The following ZNF511 variants were observed in gnomAD, a reference collection of about 807,000 sequenced individuals.
ZNF511 encodes zinc finger protein 511.
In ZNF511, 26 loss-of-function variants were observed where a neutral mutation model predicts 24.8. That is an observed-to-expected ratio of 1.05 (90% CI 0.77 to 1.46). The LOEUF (loss-of-function observed/expected upper bound fraction) is 1.46. ZNF511 is among the 40% of genes most tolerant of loss of function. The pLI is 0.00. For synonymous variants in ZNF511, 144 were observed against 139.6 expected, an observed-to-expected ratio of 1.03 and a Z score of -0.22; for missense variants, 358 against 345.0, an observed-to-expected ratio of 1.04 and a Z score of -0.30.
chr10:133,309,336 C>A, intron 1 of ZNF511, 54 bp from the exon 2 acceptor site: 1 of 1,576,222 alleles, frequency 6.3e-7, no homozygotes, highest in East Asian at 2.3e-5. Flanking sequence ...AGGCCTGACG[C>A]GGTGGGCGTG....
intron 1 of ZNF511, 119 bp from the exon 2 acceptor site, chr10:133,309,271 T>C (rs1847926745): frequency 1.5e-6 from 2 of 1,374,526 alleles, no homozygotes; most frequent in Admixed American, 2.2e-5. Context: ...GGGCGGGGCC[T>C]GAGGCTGTGG....
intron 5 of ZNF511, chr10:133,312,457 G>A (rs528765363): frequency 2.8e-5 from 34 of 1,221,556 alleles, no homozygotes; most frequent in Middle Eastern, 3.3e-4. Context: ...ACTTTGGCCT[G>A]TGAATGAGCC....
At chr10:133,311,588 A>T in intron 4 of ZNF511, 128 bp from the exon 5 acceptor site, 1 of 789,698 alleles carries the variant, frequency 1.3e-6, no homozygotes, top group Non-Finnish European at 2.0e-6. Context: ...AAATCAGACT[A>T]TGCCAAAATA....
intron 2 of ZNF511, 36 bp from the exon 3 acceptor site, chr10:133,309,740 C>A: frequency 6.2e-7 from 1 of 1,609,278 alleles, no homozygotes; most frequent in Non-Finnish European, 8.5e-7. Context: ...TTCCTCGCAC[C>A]GGAGGAAGGG....
At chr10:133,310,100 T>C (rs1223251135) in intron 3 of ZNF511, 64 bp from the exon 4 acceptor site, 4 of 1,611,704 alleles carry the variant, frequency 2.5e-6, no homozygotes, top group Non-Finnish European at 2.5e-6. Flanking sequence ...GCAGCTCTGC[T>C]ACGGGGGCAT....
intron 4 of ZNF511, among the ~76,000 whole-genome samples, chr10:133,311,400 T>G (rs1192028312): frequency 6.6e-6 from 1 of 152,220 alleles, no homozygotes; most frequent in Non-Finnish European, 1.5e-5. Context: ...TCTGGTTAAC[T>G]TTAGCAAATT....
rs925552218 is a variant in ZNF511, at chr10:133,312,122, C to T, written c.680+281C>T. ...AGTGGGATGGAAAGAGTCTCACTTG[C>T]AGTTGCTTCAGTCACAACCCAGGCG... On this transcript the variant is annotated intron_variant, in intron 5 of 5. Coordinates refer to ENST00000361518, the MANE Select transcript of ZNF511 (RefSeq NM_145806.4). 6 of 1,440,158 alleles carry T rather than the reference C, an allele frequency of 4.2e-6. No homozygotes were observed. In the African/African-American group the frequency reaches 8.6e-5, roughly 21 times the overall value. The allele number at this position is 1,440,158 out of a possible 1,614,324, so 89.2% of individuals were successfully genotyped here.
At chr10:133,310,374 T>C in intron 4 of ZNF511, 86 bp downstream of exon 4, 1 of 1,549,632 alleles carries the variant, frequency 6.5e-7, no homozygotes. Context: ...ACGGTCAGAC[T>C]TATTAAGCAC....
chr10:133,309,610 T>G (rs1286025465), intron 2 of ZNF511, 147 bp downstream of exon 2: 1 of 1,264,960 alleles, frequency 7.9e-7, no homozygotes, highest in Non-Finnish European at 1.1e-6. Flanking sequence ...TGGCCGACTC[T>G]TCCACCACCT....
intron 4 of ZNF511, among the ~76,000 whole-genome samples, chr10:133,311,277 C>T (rs1328228355): frequency 6.6e-6 from 1 of 152,088 alleles, no homozygotes; most frequent in African/African-American, 2.4e-5. Flanking sequence ...GGAGGCTTTA[C>T]AAAGACTTAC....
At chr10:133,309,290 C>T (rs1243615213) in intron 1 of ZNF511, 100 bp from the exon 2 acceptor site, 5 of 1,449,570 alleles carry the variant, frequency 3.4e-6, no homozygotes, top group Non-Finnish European at 3.7e-6. Context: ...GGGGCGGGAC[C>T]GGAGCGCGGG....
intron 1 of ZNF511, 141 bp downstream of exon 1, chr10:133,309,237 T>TGG: frequency 1.5e-6 from 1 of 672,380 alleles, no homozygotes; most frequent in Non-Finnish European, 1.9e-6. Context: ...CCTGAGGTGG[T>TGG]GGGGCGGGGC....
At chr10:133,312,472 G>A (rs545123307) in intron 5 of ZNF511, 93 of 1,249,156 alleles carry the variant, frequency 7.4e-5, no homozygotes, top group Non-Finnish European at 9.0e-5. Context: ...TGAGCCCCGG[G>A]GGGCTGGGAC....
Position 133,311,813 on chromosome 10 carries a change from G to A in ZNF511, c.652G>A (p.Ala218Thr), listed in dbSNP as rs1481333612. The change falls in exon 5 of 6, where the codon GCA becomes ACA. Residue 218 changes from alanine to threonine, a missense_variant. Coordinates refer to ENST00000361518, the MANE Select transcript of ZNF511 (RefSeq NM_145806.4). Reference protein sequence around the residue: ...SEPVAASPAPAGERRIYRHRI... With the variant: ...SEPVAASPAPTGERRIYRHRI... ...GCCTGTGGCAGCCTCCCCTGCACCGGCAGGTGAGAGGCGGATCTACAGACA... is the reference window on the plus strand; with the variant it reads ...GCCTGTGGCAGCCTCCCCTGCACCGACAGGTGAGAGGCGGATCTACAGACA... 6.2e-7 allele frequency: 1 copy of A among 1,613,334 alleles called. No individual in the cohort carries two copies. The highest frequency in any genetic ancestry group is 2.2e-5 in the East Asian group (1 of 44,890).
rs530800449 is a variant in ZNF511, at chr10:133,312,542, G to T, written c.681-246G>T. ...AGGAAGTCTCAGCCCCAGAGGGCTTGGCAGGAGCCGCCCTCTCTGCGGAGT... is the reference window on the plus strand; with the variant it reads ...AGGAAGTCTCAGCCCCAGAGGGCTTTGCAGGAGCCGCCCTCTCTGCGGAGT... On this transcript the variant is annotated intron_variant, in intron 5 of 5. Coordinates refer to ENST00000361518, the MANE Select transcript of ZNF511 (RefSeq NM_145806.4). 4.3e-5 allele frequency: 59 copies of T among 1,383,252 alleles called. No individual in the cohort carries two copies. In the African/African-American group the frequency reaches 6.7e-4, roughly 16 times the overall value. 85.7% of individuals were successfully genotyped at this position (1,383,252 alleles called of 1,614,324 possible).
At position 133,311,791 on chromosome 10, in the gene ZNF511, T is replaced by C. The variant is rs750562847; in HGVS notation, c.630T>C (p.Pro210=). ...AGGCCATGGAAATCTGCTCTGAGCCTGTGGCAGCCTCCCCTGCACCGGCAG... is the reference window on the plus strand; with the variant it reads ...AGGCCATGGAAATCTGCTCTGAGCCCGTGGCAGCCTCCCCTGCACCGGCAG... ...EGEAMEICSE[P]VAASPAPAGE... is the part of the protein sequence containing the mutation. Residue 210 remains proline, a synonymous_variant, in exon 5 of 6, where the codon CCT becomes CCC. Transcript: ENST00000361518. 52 of 1,613,430 alleles carry C rather than the reference T, an allele frequency of 3.2e-5. No individual in the cohort carries two copies. Among genetic ancestry groups the C allele is most frequent in the Non-Finnish European group, 4.4e-5 (52 of 1,180,042 alleles).
At position 133,309,405 on chromosome 10, in the gene ZNF511, C is replaced by A. The variant is rs370544381; in HGVS notation, c.169C>A (p.Arg57Ser). The A allele has an allele frequency of 9.9e-6, 16 of 1,611,968 alleles. No individual in the cohort carries two copies. Among genetic ancestry groups the A allele is most frequent in the Non-Finnish European group, 1.3e-5 (15 of 1,179,634 alleles). The change falls in exon 2 of 6, where the codon CGC becomes AGC. Residue 57 changes from arginine (R) to serine (S), a missense_variant. Arg to Ser is a moderately radical substitution (Grantham distance 110). Coordinates refer to ENST00000361518, the MANE Select transcript of ZNF511 (RefSeq NM_145806.4). ...TTTCCTGCAGGATGGGGACGTGCAG[C>A]GCCACCTCTACCTCCAGGACGTGAT... ...HQFFEDGDVQ[R>S]HLYLQDVIMQ...
Position 133,309,835 on chromosome 10 carries a change from A to C in ZNF511, c.287A>C (p.Asp96Ala). The C allele has an allele frequency of 6.2e-7, 1 of 1,613,716 alleles. No homozygotes were observed. Among genetic ancestry groups the C allele is most frequent in the Non-Finnish European group, 8.5e-7 (1 of 1,180,018 alleles). Reference protein sequence around the residue: ...GCCQVFDALDDYEHHYHTLHG... With the variant: ...GCCQVFDALDAYEHHYHTLHG... Reference sequence around the variant, plus strand: ...TGCCAGGTGTTCGATGCCCTGGACGACTACGAGCACCACTACCACACGCTG... The same window carrying C: ...TGCCAGGTGTTCGATGCCCTGGACGCCTACGAGCACCACTACCACACGCTG... The change falls in exon 3 of 6, where the codon GAC becomes GCC. Residue 96 changes from aspartate (D) to alanine (A), a missense_variant. Transcript: ENST00000361518.
Position 133,312,834 on chromosome 10 carries a change from A to G in ZNF511, c.727A>G (p.Lys243Glu). The G allele has an allele frequency of 6.2e-7, 1 of 1,614,224 alleles. No individual in the cohort carries two copies. Among genetic ancestry groups the G allele is most frequent in the Non-Finnish European group, 8.5e-7 (1 of 1,180,040 alleles). ...CFGQGAARGFKSNKKKTKQC is the reference protein window; with the variant it reads ...CFGQGAARGFESNKKKTKQC ...TGGTCAGGGTGCCGCTCGAGGATTT[A>G]AAAGCAACAAGAAGAAAACCAAACA... Residue 243 changes from lysine (K) to glutamate (E), a missense_variant, in exon 6 of 6, where the codon AAA becomes GAA. Physicochemically the swap from Lys to Glu is moderately conservative, Grantham distance 56 (BLOSUM62 1). Transcript: ENST00000361518.
Sources: allele counts gnomAD v4.1 joint callset (sites outside exome capture counted in the v4.1 genomes callset), GRCh38; gene constraint gnomAD v4.1.1; transcripts MANE v1.5; gene names NCBI Gene and HGNC (gene_info 2026-07-23, HGNC 2026-07-21).